TENM3: variants seen among roughly 807,000 people sequenced by gnomAD.
TENM3 encodes teneurin-3.
A neutral mutation model predicts 255.1 loss-of-function variants in TENM3; 63 were observed. That is an observed-to-expected ratio of 0.25 (90% confidence interval 0.20 to 0.30). TENM3 has a LOEUF of 0.30. Ranked by LOEUF, TENM3 falls within the 10% of genes least tolerant of loss-of-function variation. The probability of loss-of-function intolerance (pLI) is 1.00; values close to 1 mark genes in which losing one functional copy is unlikely to be tolerated. For synonymous variants in TENM3, 1,306 were observed against 1,322.3 expected, an observed-to-expected ratio of 0.99 and a Z score of 0.27; for missense variants, 2,929 against 3,461.1, an observed-to-expected ratio of 0.85 and a Z score of 3.86.
At chr4:182,011,954 G>A in the TENM3 span, among the ~76,000 whole-genome samples, 1 of 152,134 alleles carries the variant, frequency 6.6e-6, no homozygotes, top group African/African-American at 2.4e-5. Context: ...CACAGACTAA[G>A]CCCATTCAAA....
chr4:181,456,053 T>C, the TENM3 span, among the ~76,000 whole-genome samples: 2 of 151,670 alleles, frequency 1.3e-5, no homozygotes, highest in African/African-American at 4.8e-5. Context: ...AACTTTAACA[T>C]TGTAAAAATA....
intron 3 of TENM3, among the ~76,000 whole-genome samples, chr4:182,554,441 TTACAGTTTTC>T (rs1437033518): frequency 6.6e-6 from 1 of 152,180 alleles, no homozygotes; most frequent in Non-Finnish European, 1.5e-5. Flanking sequence ...TTACCAAGAA[TTACAGTTTTC>T]TACATGATAG....
At chr4:181,498,893 T>C in the TENM3 span, among the ~76,000 whole-genome samples, 1 of 152,222 alleles carries the variant, frequency 6.6e-6, no homozygotes, top group Non-Finnish European at 1.5e-5. Context: ...AACTTCTATC[T>C]TTTTTCTTTT....
intron 3 of TENM3, among the ~76,000 whole-genome samples, chr4:182,555,286 G>A (rs900003991): frequency 6.6e-6 from 1 of 151,850 alleles, no homozygotes; most frequent in African/African-American, 2.4e-5. Flanking sequence ...TAGAGGTTTG[G>A]GTTTTTTAAA....
chr4:182,051,324 C>T, the TENM3 span, among the ~76,000 whole-genome samples: 1 of 144,978 alleles, frequency 6.9e-6, no homozygotes, highest in Non-Finnish European at 1.5e-5. Flanking sequence ...GCCTGGGCGA[C>T]AAGAGCAAAA....
At chr4:181,839,374 TATATATATATAC>T in the TENM3 span, among the ~76,000 whole-genome samples, 1,610 of 51,662 alleles carry the variant, frequency 0.031, 77 homozygotes, top group African/African-American at 0.077. Flanking sequence ...TATATATATA[TATATATATATAC>T]ACCTATATAC....
the TENM3 span, among the ~76,000 whole-genome samples, chr4:181,609,784 T>C: frequency 3.9e-5 from 6 of 152,248 alleles, no homozygotes; most frequent in Non-Finnish European, 5.9e-5. Context: ...TTTTGTGTTT[T>C]AAAAATTTCC....
At chr4:182,765,222 A>G (rs1476252537) in intron 22 of TENM3, among the ~76,000 whole-genome samples, 1 of 152,228 alleles carries the variant, frequency 6.6e-6, no homozygotes, top group African/African-American at 2.4e-5. Flanking sequence ...ATAAGTGTGA[A>G]TAAAATCATA....
the TENM3 span, among the ~76,000 whole-genome samples, chr4:182,017,238 C>G: frequency 5.3e-5 from 8 of 152,242 alleles, no homozygotes; most frequent in South Asian, 2.1e-4. Flanking sequence ...CCAGGCCACA[C>G]GCCGTGCTTC....
At chr4:181,853,264 GA>G in the TENM3 span, among the ~76,000 whole-genome samples, 2 of 152,162 alleles carry the variant, frequency 1.3e-5, no homozygotes, top group East Asian at 3.8e-4. Flanking sequence ...TGGATACATA[GA>G]GTTTTAAAAA....
At chr4:182,087,167 C>G in the TENM3 span, among the ~76,000 whole-genome samples, 1 of 152,078 alleles carries the variant, frequency 6.6e-6, no homozygotes, top group Non-Finnish European at 1.5e-5. Flanking sequence ...TGTCGGAGCT[C>G]CCGGGCTACA....
At chr4:181,562,142 G>T in the TENM3 span, among the ~76,000 whole-genome samples, 6 of 151,882 alleles carry the variant, frequency 4.0e-5, no homozygotes, top group Non-Finnish European at 5.9e-5. Flanking sequence ...CCAGTTTTAT[G>T]TTACTTAATT....
the TENM3 span, among the ~76,000 whole-genome samples, chr4:181,634,445 G>A: frequency 6.7e-6 from 1 of 148,592 alleles, no homozygotes. Context: ...ATCATCAAGG[G>A]GAAAGGTGTG....
the TENM3 span, among the ~76,000 whole-genome samples, chr4:181,789,262 T>A: frequency 4.2e-5 from 6 of 141,746 alleles, no homozygotes; most frequent in Admixed American, 2.8e-4. Flanking sequence ...ATTTTATTTA[T>A]TTTATTTTTT....
intron 1 of TENM3, among the ~76,000 whole-genome samples, chr4:182,263,247 T>A (rs192778374): frequency 4.6e-5 from 7 of 152,136 alleles, no homozygotes; most frequent in Admixed American, 4.6e-4. Flanking sequence ...ACTGCAGCAC[T>A]GATTGGGTGA....
At chr4:181,629,518 C>T in the TENM3 span, among the ~76,000 whole-genome samples, 76,136 of 151,968 alleles carry the variant, frequency 0.5, 19,739 homozygotes, top group Non-Finnish European at 0.57. Context: ...CCATCAATAC[C>T]TAATTTATTG....
At chr4:182,359,462 C>T (rs546659918) in intron 3 of TENM3, among the ~76,000 whole-genome samples, 43 of 150,294 alleles carry the variant, frequency 2.9e-4, no homozygotes, top group African/African-American at 8.3e-4. Flanking sequence ...GTGTATGTGT[C>T]GAGGAATTTA....
chr4:182,768,058 T>C (rs1051045145), intron 22 of TENM3, among the ~76,000 whole-genome samples: 3 of 152,150 alleles, frequency 2.0e-5, no homozygotes, highest in African/African-American at 4.8e-5. Context: ...TCGGGCCAGT[T>C]CAGGGTCAGG....
At chr4:181,650,643 G>T in the TENM3 span, among the ~76,000 whole-genome samples, 1 of 152,112 alleles carries the variant, frequency 6.6e-6, no homozygotes, top group Non-Finnish European at 1.5e-5. Flanking sequence ...AATATGCAGT[G>T]ACTCAAAGAA....
Sources: allele counts gnomAD v4.1 joint callset (sites outside exome capture counted in the v4.1 genomes callset), GRCh38; gene constraint gnomAD v4.1.1; transcripts MANE v1.5; gene names NCBI Gene and HGNC (gene_info 2026-07-23, HGNC 2026-07-21).